The following TG variants were observed in gnomAD, a reference collection of about 807,000 sequenced individuals.
The protein encoded by TG is thyroglobulin, also known as thyroid hormones.
A neutral mutation model predicts 324.7 loss-of-function variants in TG; 270 were observed. The ratio of observed to expected loss-of-function variants is 0.83; its 90% CI spans 0.75 to 0.92. TG has a LOEUF of 0.92. TG is among the 40% of genes least tolerant of loss of function. The pLI is 0.00. For synonymous variants in TG, 1,401 were observed against 1,327.0 expected (o/e 1.06, Z -1.21); for missense variants, 3,591 against 3,456.4 (o/e 1.04, Z -0.98).
At chr8:132,977,831 A>G (rs1165079237) in intron 34 of TG, among the ~76,000 whole-genome samples, 2 of 152,184 alleles carry the variant, frequency 1.3e-5, no homozygotes, top group African/African-American at 4.8e-5. Context: ...ATATCACACT[A>G]GGTCCCCTGT....
In TG at chr8:132,935,851, G is replaced by A; in HGVS notation, c.5028G>A (p.Val1676=). Residue 1676 remains valine, a synonymous_variant, in exon 25 of 48, where the codon GTG becomes GTA. Transcript: ENST00000220616. ...VRSHGQDSPA[V]YLKKGQGSTT... ...GCCATGGTCAAGATTCTCCAGCTGT[G>A]TATTTGAAAAAGGGTAGGTTGGTCA... is the stretch of plus-strand genomic sequence containing the variant. 3 of 1,612,396 alleles carry A rather than the reference G, an allele frequency of 1.9e-6. No individual in the cohort carries two copies. Among genetic ancestry groups the A allele is most frequent in the Non-Finnish European group, 2.5e-6 (3 of 1,180,004 alleles).
At chr8:133,081,973 G>C (rs1845823333) in intron 41 of TG, among the ~76,000 whole-genome samples, 1 of 152,240 alleles carries the variant, frequency 6.6e-6, no homozygotes, top group African/African-American at 2.4e-5. Context: ...AAAGAGGGCT[G>C]TAGCCAGGAA....
intron 44 of TG, 25 bp from the exon 45 acceptor site, chr8:133,116,584 T>A: frequency 6.3e-7 from 1 of 1,599,228 alleles, no homozygotes; most frequent in Non-Finnish European, 8.6e-7. Flanking sequence ...TTAACCAGAC[T>A]CCCCCCATGT....
chr8:132,911,398 G>T lies in TG; in HGVS notation c.4024G>T (p.Val1342Phe), dbSNP rs1403525902. Residue 1342 changes from valine to phenylalanine, a missense_variant, in exon 19 of 48, where the codon GTT (valine) becomes TTT (phenylalanine). Transcript: ENST00000220616. The part of the protein sequence containing the change: ...QIQVKTFGTL[V>F]SIPVCNNSSV... ...GTAGGTGAAGACTTTTGGCACCCTG[G>T]TTTCCATTCCTGTCTGCAACAACTC... The T allele has an allele frequency of 1.2e-6, 2 of 1,614,164 alleles. No individual in the cohort carries two copies. Among genetic ancestry groups the T allele is most frequent in the Non-Finnish European group, 1.7e-6 (2 of 1,180,036 alleles).
chr8:133,098,731 A>T (rs1265065250), intron 43 of TG, among the ~76,000 whole-genome samples: 1 of 152,194 alleles, frequency 6.6e-6, no homozygotes, highest in African/African-American at 2.4e-5. Flanking sequence ...CTCCCAACTC[A>T]GTGGAAATGC....
In TG at chr8:132,919,391, G is replaced by A; in HGVS notation, c.4394G>A (p.Gly1465Glu). ...DGLGCVKCPE[G>E]SYSQDEECIP... ...TTTTTTCTAGTTAAGTGTCCTGAAG[G>A]AAGCTATTCCCAAGATGAGGAATGC... Residue 1465 changes from glycine to glutamate, a missense_variant, in exon 21 of 48, where the codon GGA becomes GAA. Coordinates refer to ENST00000220616, the MANE Select transcript of TG (RefSeq NM_003235.5). 6.2e-7 allele frequency: 1 copy of A among 1,614,024 alleles called. No individual in the cohort carries two copies. Among genetic ancestry groups the A allele is most frequent in the South Asian group, 1.1e-5 (1 of 91,066 alleles).
chr8:132,969,086 G>A (rs1246159727), intron 31 of TG, among the ~76,000 whole-genome samples: 5 of 146,380 alleles, frequency 3.4e-5, no homozygotes, highest in South Asian at 2.1e-4. Context: ...TTCTGTTTGG[G>A]CCACCTTCAC....
At position 132,910,257 on chromosome 8, in the gene TG, CCTGT is replaced by C. The variant is rs1014691741; in HGVS notation, c.4003-1116_4003-1113del. ...GACCCCTGGGGCTGGCTTTCAGGGC[CCTGT>C]CTGCATTCTGAAGAAGGTAGTTGAG... On this transcript the variant is annotated intron_variant, in intron 18 of 47. Coordinates refer to ENST00000220616, the MANE Select transcript of TG (RefSeq NM_003235.5). Among the ~76,000 whole-genome samples, 283 of 152,232 alleles carry C rather than the reference CCTGT, an allele frequency of 1.9e-3. 1 individual carries two copies. The highest frequency in any genetic ancestry group is 1.2e-3 in the Non-Finnish European group (83 of 68,010).
At chr8:133,050,871 G>A in intron 41 of TG, 1 of 1,614,032 alleles carries the variant, frequency 6.2e-7, no homozygotes, top group Non-Finnish European at 8.5e-7. Context: ...CTGATGTCAG[G>A]AGACGGGTAG....
chr8:132,925,304 A>G (rs753635087), intron 22 of TG, among the ~76,000 whole-genome samples: 1 of 152,192 alleles, frequency 6.6e-6, no homozygotes, highest in African/African-American at 2.4e-5. Flanking sequence ...CATTCTACCA[A>G]TCTGTTTCCA....
At chr8:132,931,280 CT>C (rs1822681660) in intron 23 of TG, among the ~76,000 whole-genome samples, 1 of 152,240 alleles carries the variant, frequency 6.6e-6, no homozygotes, top group Non-Finnish European at 1.5e-5. Flanking sequence ...TAATTTACCT[CT>C]TTCAAGACCC....
chr8:133,013,993 T>G (rs1834787933), intron 37 of TG, among the ~76,000 whole-genome samples: 1 of 152,252 alleles, frequency 6.6e-6, no homozygotes, highest in Non-Finnish European at 1.5e-5. Flanking sequence ...TTTTGAAGCT[T>G]CTTAGTAAAA....
intron 25 of TG, among the ~76,000 whole-genome samples, chr8:132,936,103 T>A (rs16904790): frequency 0.027 from 4,105 of 152,358 alleles, 177 homozygotes; most frequent in African/African-American, 0.094. Context: ...CCTTTGTGCC[T>A]TCAGGTTTGA....
chr8:132,972,673 G>A lies in TG; in HGVS notation c.6131G>A (p.Arg2044His), dbSNP rs573866267. Residue 2044 changes from arginine (R) to histidine (H), a missense_variant, in exon 34 of 48, where the codon CGC (arginine) becomes CAC (histidine). Arg to His is a conservative substitution (Grantham distance 29). Coordinates refer to ENST00000220616, the MANE Select transcript of TG (RefSeq NM_003235.5). ...MCSEENGGAWRILDCGSPDIE... is the reference protein window; with the variant it reads ...MCSEENGGAWHILDCGSPDIE... ...AGTGAGGAGAATGGAGGAGCCTGGC[G>A]CATTTTGGACTGTGGCTCTCCTGAC... is the stretch of plus-strand genomic sequence containing the variant. The A allele has an allele frequency of 1.9e-5, 31 of 1,613,310 alleles. No homozygotes were observed. Among genetic ancestry groups the A allele is most frequent in the Non-Finnish European group, 2.4e-5 (28 of 1,179,946 alleles).
intron 41 of TG, chr8:133,049,681 C>T: frequency 1.8e-6 from 1 of 547,634 alleles, no homozygotes; most frequent in South Asian, 2.1e-5. Flanking sequence ...AAAGGTCCAA[C>T]TTCCTTCATT....
At chr8:133,042,960 C>T (rs972095219) in intron 41 of TG, among the ~76,000 whole-genome samples, 1 of 148,332 alleles carries the variant, frequency 6.7e-6, no homozygotes, top group African/African-American at 2.4e-5. Context: ...TCCCAAAGTG[C>T]TGGAATTACA....
intron 35 of TG, among the ~76,000 whole-genome samples, chr8:133,010,985 T>C (rs932228622): frequency 6.6e-6 from 1 of 152,168 alleles, no homozygotes; most frequent in Non-Finnish European, 1.5e-5. Context: ...TTTAACCTCT[T>C]GTGTCTTATT....
rs1392296838 is a variant in TG at position 133,018,012 on chromosome 8, G to C, written c.6782+15G>C. ...AGCAAGCCAAGGTATGGGTTGAGTG[G>C]AGCACATCTTGGTAAATGCTCAGAG... On this transcript the variant is annotated intron_variant, in intron 38 of 47. Transcript: ENST00000220616. The C allele has an allele frequency of 6.2e-7, 1 of 1,612,876 alleles. No homozygotes were observed. Among genetic ancestry groups the C allele is most frequent in the Admixed American group, 1.7e-5 (1 of 59,940 alleles).
intron 46 of TG, 53 bp downstream of exon 46, chr8:133,131,999 TC>T: frequency 6.2e-7 from 1 of 1,612,730 alleles, no homozygotes; most frequent in East Asian, 2.2e-5. Flanking sequence ...TCCTCCCGCT[TC>T]CTTCAAGCAG....
Sources: allele counts gnomAD v4.1 joint callset (sites outside exome capture counted in the v4.1 genomes callset), GRCh38; gene constraint gnomAD v4.1.1; transcripts MANE v1.5; gene names NCBI Gene and HGNC (gene_info 2026-07-23, HGNC 2026-07-21).